LARGE1: variants seen among roughly 807,000 people sequenced by gnomAD.
LARGE1 encodes the protein LARGE xylosyl- and glucuronyltransferase 1.
A neutral mutation model predicts 87.6 loss-of-function variants in LARGE1; 43 were observed. That is an observed-to-expected ratio of 0.49 (90% CI 0.38 to 0.63). The LOEUF (loss-of-function observed/expected upper bound fraction) is 0.63. LARGE1 is among the 30% of genes least tolerant of loss of function. The pLI, the probability that LARGE1 is intolerant of heterozygous loss-of-function variation, is 0.00. For missense variants in LARGE1, 802 were observed against 1,000.2 expected (o/e 0.80, Z 2.67); for synonymous variants, 434 against 394.6 (o/e 1.10, Z -1.18).
chr22:33,772,735 C>T (rs2085109720), intron 1 of LARGE1, among the ~76,000 whole-genome samples: 1 of 152,166 alleles, frequency 6.6e-6, no homozygotes, highest in Admixed American at 6.5e-5. Flanking sequence ...TGATTACTTG[C>T]TTAATCGCTG....
At chr22:33,280,557 T>C (rs549117412) in intron 13 of LARGE1, among the ~76,000 whole-genome samples, 14 of 152,110 alleles carry the variant, frequency 9.2e-5, no homozygotes, top group Admixed American at 9.2e-4. Flanking sequence ...TCAGTTCTAG[T>C]CATCTGGCTG....
intron 10 of LARGE1, among the ~76,000 whole-genome samples, chr22:33,330,534 A>T (rs1457752431): frequency 2.6e-5 from 4 of 152,282 alleles, no homozygotes; most frequent in Middle Eastern, 3.4e-3. Flanking sequence ...GAAAAGGGAG[A>T]GAAATGCTAA....
intron 10 of LARGE1, among the ~76,000 whole-genome samples, chr22:33,321,666 T>G (rs1156763245): frequency 6.6e-6 from 1 of 152,142 alleles, no homozygotes; most frequent in Non-Finnish European, 1.5e-5. Context: ...TGCGTGGGTG[T>G]GAGCGTGGGT....
At chr22:33,285,601 G>A (rs1000461085) in intron 12 of LARGE1, among the ~76,000 whole-genome samples, 4 of 151,726 alleles carry the variant, frequency 2.6e-5, no homozygotes, top group African/African-American at 7.3e-5. Flanking sequence ...TCCACCCTGG[G>A]CGACAGAGCG....
At chr22:33,914,226 T>C (rs968905378) in intron 1 of LARGE1, among the ~76,000 whole-genome samples, 5 of 152,164 alleles carry the variant, frequency 3.3e-5, no homozygotes, top group Admixed American at 6.5e-5. Context: ...GGCATCAAAC[T>C]AAGTCACTTT....
chr22:33,544,308 G>A (rs916511182), intron 6 of LARGE1, among the ~76,000 whole-genome samples: 6 of 152,186 alleles, frequency 3.9e-5, no homozygotes, highest in African/African-American at 1.4e-4. Context: ...GAATTTAGGG[G>A]TGGTCTTGGA....
intron 11 of LARGE1, among the ~76,000 whole-genome samples, chr22:33,251,008 C>A (rs9619338): frequency 0.14 from 21,559 of 152,170 alleles, 2,057 homozygotes; most frequent in South Asian, 0.3. Context: ...ATGCTTGCCT[C>A]ATAGAATGAT....
chr22:33,850,968 T>C (rs541946574), intron 1 of LARGE1, among the ~76,000 whole-genome samples: 1 of 152,338 alleles, frequency 6.6e-6, no homozygotes, highest in African/African-American at 2.4e-5. Flanking sequence ...AAGGTTCCTA[T>C]GGCAACCCCC....
In LARGE1 at chr22:33,726,806, G is replaced by A. The variant is rs552960869; in HGVS notation, c.106+34565C>T. Among the ~76,000 whole-genome samples the A allele has an allele frequency of 4.6e-5, 7 of 152,304 alleles. No homozygotes were observed. The South Asian group carries it at 1.4e-3, about 32-fold the overall frequency. Reference sequence around the variant, plus strand: ...AACTTTATAAGCAGCAGGCAAGACTGGGGGAATTGGGGTGCAGGGACAGAA... The same window carrying A: ...AACTTTATAAGCAGCAGGCAAGACTAGGGGAATTGGGGTGCAGGGACAGAA... On this transcript the variant is annotated intron_variant, in intron 2 of 14. Coordinates refer to ENST00000397394, the MANE Select transcript of LARGE1 (RefSeq NM_133642.5).
At chr22:33,907,203 T>C (rs956119277) in intron 1 of LARGE1, among the ~76,000 whole-genome samples, 2 of 152,186 alleles carry the variant, frequency 1.3e-5, no homozygotes, top group African/African-American at 4.8e-5. Flanking sequence ...CACTCCTCTG[T>C]GATTTGCTAA....
chr22:33,464,913 ATG>A (rs1415427680), intron 6 of LARGE1, among the ~76,000 whole-genome samples: 3,010 of 151,052 alleles, frequency 0.02, 97 homozygotes, highest in African/African-American at 0.07. Flanking sequence ...ACACATACAC[ATG>A]CACACATACA....
At chr22:33,627,491 G>A (rs1471629735) in intron 3 of LARGE1, among the ~76,000 whole-genome samples, 4 of 152,202 alleles carry the variant, frequency 2.6e-5, no homozygotes, top group African/African-American at 7.2e-5. Flanking sequence ...TCCATTAAAG[G>A]AGGGGACCTG....
At chr22:33,788,879 A>G (rs1376646606) in intron 1 of LARGE1, among the ~76,000 whole-genome samples, 2 of 152,220 alleles carry the variant, frequency 1.3e-5, no homozygotes, top group Non-Finnish European at 2.9e-5. Context: ...TTGGAATTGG[A>G]ATTTATGTTT....
intron 11 of LARGE1, among the ~76,000 whole-genome samples, chr22:33,183,601 A>AACACAC (rs779274464): frequency 1.1e-3 from 111 of 104,268 alleles, no homozygotes; most frequent in African/African-American, 2.4e-3. Context: ...TGATGGATAA[A>AACACAC]ACACACACAC....
chr22:33,622,542 C>G (rs951055876), intron 4 of LARGE1, among the ~76,000 whole-genome samples: 2 of 152,184 alleles, frequency 1.3e-5, no homozygotes, highest in Non-Finnish European at 2.9e-5. Context: ...AACTGCATGC[C>G]TTTCATAAGT....
At chr22:33,384,580 C>T (rs1306623654) in intron 7 of LARGE1, among the ~76,000 whole-genome samples, 3 of 148,032 alleles carry the variant, frequency 2.0e-5, no homozygotes, top group Non-Finnish European at 4.5e-5. Flanking sequence ...TCTGAGACCT[C>T]CTTGTTGTAT....
At chr22:33,346,578 C>T (rs1379711462) in intron 9 of LARGE1, among the ~76,000 whole-genome samples, 1 of 152,182 alleles carries the variant, frequency 6.6e-6, no homozygotes, top group Non-Finnish European at 1.5e-5. Flanking sequence ...GCTGGGATTA[C>T]AGGCATGAGC....
intron 10 of LARGE1, among the ~76,000 whole-genome samples, chr22:33,329,018 G>C (rs1183132077): frequency 6.6e-6 from 1 of 152,012 alleles, no homozygotes; most frequent in Non-Finnish European, 1.5e-5. Flanking sequence ...CCAAAAGCTA[G>C]AGGCAAGCAG....
chr22:33,561,579 C>T, intron 6 of LARGE1, among the ~76,000 whole-genome samples: 1 of 152,218 alleles, frequency 6.6e-6, no homozygotes, highest in Middle Eastern at 3.2e-3. Context: ...GCTCACCAAA[C>T]AGTCTTATTC....
Sources: allele counts gnomAD v4.1 joint callset (sites outside exome capture counted in the v4.1 genomes callset), GRCh38; gene constraint gnomAD v4.1.1; transcripts MANE v1.5; gene names NCBI Gene and HGNC (gene_info 2026-07-23, HGNC 2026-07-21).